Variants in PPP1R12B observed in about 807,000 individuals in gnomAD.
PPP1R12B encodes the protein protein phosphatase 1 regulatory subunit 12B.
PPP1R12B carries 76 observed loss-of-function variants against 126.1 expected under a neutral mutation model. That is an observed-to-expected ratio of 0.60 (90% CI 0.50 to 0.73). The LOEUF is 0.73. Ranked by LOEUF, PPP1R12B falls within the 30% of genes least tolerant of loss-of-function variation. The pLI, the probability that PPP1R12B is intolerant of heterozygous loss-of-function variation, is 0.00. For synonymous variants in PPP1R12B, 356 were observed against 434.7 expected (o/e 0.82, Z 2.25); for missense variants, 1,052 against 1,205.1 (o/e 0.87, Z 1.88).
At chr1:202,506,554 T>C (rs1262617627) in intron 18 of PPP1R12B, among the ~76,000 whole-genome samples, 1 of 152,246 alleles carries the variant, frequency 6.6e-6, no homozygotes, top group Non-Finnish European at 1.5e-5. Flanking sequence ...TTTGGACTTC[T>C]CTCATGCATC....
intron 23 of PPP1R12B, among the ~76,000 whole-genome samples, chr1:202,569,619 C>T (rs1029150474): frequency 2.6e-5 from 4 of 152,136 alleles, no homozygotes; most frequent in Admixed American, 2.6e-4. Flanking sequence ...TGGTGCCCCT[C>T]CCAACCCATC....
chr1:202,514,960 C>T (rs1681940094), intron 18 of PPP1R12B, among the ~76,000 whole-genome samples: 1 of 152,086 alleles, frequency 6.6e-6, no homozygotes, highest in South Asian at 2.1e-4. Flanking sequence ...TACTATGCAG[C>T]CATAAAAAAG....
intron 18 of PPP1R12B, among the ~76,000 whole-genome samples, chr1:202,529,407 A>G (rs1239795654): frequency 1.3e-5 from 2 of 152,146 alleles, no homozygotes; most frequent in Non-Finnish European, 2.9e-5. Context: ...CAAATTCACA[A>G]CTATGAAGAC....
intron 1 of PPP1R12B, among the ~76,000 whole-genome samples, chr1:202,374,930 T>C (rs576108160): frequency 6.6e-6 from 1 of 152,226 alleles, no homozygotes; most frequent in East Asian, 1.9e-4. Context: ...TTCTTCTTTC[T>C]CCAACTATTT....
At position 202,580,494 on chromosome 1, in the gene PPP1R12B, C is replaced by G. The variant is rs575694504; in HGVS notation, c.2883C>G (p.Ser961=). 1.9e-6 allele frequency: 3 copies of G among 1,613,852 alleles called. No homozygotes were observed. The highest frequency in any genetic ancestry group is 2.5e-6 in the Non-Finnish European group (3 of 1,179,788). ...TACAGGTGTTAACAGAACTGAAATCCGACAACCAGAGGCTGAAAGATGAAA... is the reference window on the plus strand; with the variant it reads ...TACAGGTGTTAACAGAACTGAAATCGGACAACCAGAGGCTGAAAGATGAAA... ...EEMKVLTELK[S]DNQRLKDENG... Residue 961 remains serine, a synonymous_variant, in exon 24 of 24, where the codon TCC becomes TCG. Transcript: ENST00000608999.
intron 1 of PPP1R12B, among the ~76,000 whole-genome samples, chr1:202,406,627 C>A (rs1459750334): frequency 6.6e-6 from 1 of 152,162 alleles, no homozygotes; most frequent in African/African-American, 2.4e-5. Flanking sequence ...AATCATTTAA[C>A]TTTTCCAAGG....
chr1:202,393,809 C>T (rs890108705), intron 1 of PPP1R12B, among the ~76,000 whole-genome samples: 7 of 152,136 alleles, frequency 4.6e-5, no homozygotes, highest in Non-Finnish European at 1.5e-5. Flanking sequence ...TCCTGTAATC[C>T]CAACACTTTG....
At chr1:202,480,515 TG>T (rs1201636543) in intron 13 of PPP1R12B, among the ~76,000 whole-genome samples, 2 of 152,326 alleles carry the variant, frequency 1.3e-5, no homozygotes, top group South Asian at 2.1e-4. Context: ...CTGAGTAATT[TG>T]GCAGACATTT....
At chr1:202,418,337 A>G (rs997343451) in intron 2 of PPP1R12B, among the ~76,000 whole-genome samples, 33 of 152,226 alleles carry the variant, frequency 2.2e-4, no homozygotes, top group African/African-American at 7.7e-4. Context: ...AAATCTCATT[A>G]CATTCAAGGA....
chr1:202,452,968 A>G (rs984829765), intron 13 of PPP1R12B, among the ~76,000 whole-genome samples: 1 of 151,870 alleles, frequency 6.6e-6, no homozygotes, highest in African/African-American at 2.4e-5. Context: ...TGCCTGGCCT[A>G]TTGCTTTCTC....
intron 3 of PPP1R12B, among the ~76,000 whole-genome samples, chr1:202,425,248 G>A (rs1330192551): frequency 5.9e-5 from 9 of 152,158 alleles, no homozygotes; most frequent in Non-Finnish European, 1.5e-5. Flanking sequence ...AAAAGACTTG[G>A]AAGTTTATAG....
At chr1:202,514,264 C>T (rs1254749275) in intron 18 of PPP1R12B, among the ~76,000 whole-genome samples, 1 of 151,810 alleles carries the variant, frequency 6.6e-6, no homozygotes, top group African/African-American at 2.4e-5. Flanking sequence ...TGTCCTTTGC[C>T]CATTTTTTAA....
At chr1:202,542,347 C>T (rs1040717016) in intron 18 of PPP1R12B, among the ~76,000 whole-genome samples, 47 of 152,314 alleles carry the variant, frequency 3.1e-4, no homozygotes, top group African/African-American at 1.1e-3. Flanking sequence ...CCCTATTTTA[C>T]ATATGAGGAA....
intron 1 of PPP1R12B, among the ~76,000 whole-genome samples, chr1:202,385,538 G>A (rs534756788): frequency 2.6e-5 from 4 of 152,166 alleles, no homozygotes; most frequent in African/African-American, 9.6e-5. Context: ...GTTTTTTAGG[G>A]TATTAAAATC....
rs911801607 is a variant in PPP1R12B, at chr1:202,585,895, G to T, written c.*5335G>T. The T allele has an allele frequency of 1.3e-5, 2 of 152,188 alleles. No individual in the cohort carries two copies. The highest frequency in any genetic ancestry group is 3.8e-4 in the East Asian group (2 of 5,198). The allele number at this position is 152,188 out of a possible 1,614,324, so 9.4% of individuals were successfully genotyped here. A position where few individuals can be genotyped will look rare whatever the true frequency, so the allele number is the denominator to read the frequency against. The stretch of plus-strand genomic sequence containing the variant: ...AGGAAATAGACCTGCTGCTTCATAG[G>T]TTTCCTCAACCACCTTTCCTCAGCT... On this transcript the variant is annotated 3_prime_UTR_variant, in exon 24 of 24. Transcript: ENST00000608999.
At chr1:202,555,880 T>C (rs1572494383) in intron 18 of PPP1R12B, among the ~76,000 whole-genome samples, 2 of 147,796 alleles carry the variant, frequency 1.4e-5, no homozygotes, top group South Asian at 4.3e-4. Context: ...ATAATATTCT[T>C]TTTTTTTTTT....
rs1166883781 is a variant in PPP1R12B at position 202,589,261 on chromosome 1, C to T, written c.*8701C>T. The T allele has an allele frequency of 1.3e-5, 2 of 152,218 alleles. No individual in the cohort carries two copies. Among genetic ancestry groups the T allele is most frequent in the Non-Finnish European group, 2.9e-5 (2 of 68,058 alleles). 9.4% of individuals were successfully genotyped at this position (152,218 alleles called of 1,614,324 possible). On this transcript the variant is annotated 3_prime_UTR_variant, in exon 24 of 24. Transcript: ENST00000608999. The stretch of plus-strand genomic sequence containing the variant: ...TTTGTACGTGGGTGGCCAGGTCTGA[C>T]CCCAGGCAGCCAGGATCTGGGTCTG...
At chr1:202,509,005 T>A (rs1681125985) in intron 18 of PPP1R12B, among the ~76,000 whole-genome samples, 1 of 152,370 alleles carries the variant, frequency 6.6e-6, no homozygotes, top group African/African-American at 2.4e-5. Context: ...TGTAACTAAA[T>A]GGGAGTGACT....
chr1:202,553,012 G>A (rs1212486274), intron 18 of PPP1R12B, among the ~76,000 whole-genome samples: 1 of 152,106 alleles, frequency 6.6e-6, no homozygotes. Context: ...AACCAGTCTG[G>A]TTTCTGTCCC....
Sources: gnomAD v4.1 joint callset for allele counts (sites outside exome capture counted in the v4.1 genomes callset) on GRCh38, gnomAD v4.1.1 for gene constraint, MANE v1.5 for transcripts, NCBI Gene and HGNC (gene_info 2026-07-23, HGNC 2026-07-21) for gene names.